Variants in SIPA1L1 observed in about 807,000 individuals in gnomAD.
SIPA1L1 encodes the protein signal-induced proliferation-associated 1-like protein 1.
SIPA1L1 carries 26 observed loss-of-function variants against 162.7 expected under a neutral mutation model. The ratio of observed to expected loss-of-function variants is 0.16; its 90% CI spans 0.12 to 0.22. SIPA1L1 has a LOEUF of 0.22. SIPA1L1 is among the 10% of genes least tolerant of loss of function. The pLI is 1.00. For missense variants in SIPA1L1, 1,874 were observed against 2,241.0 expected, an observed-to-expected ratio of 0.84 and a Z score of 3.31; for synonymous variants, 829 against 837.4, an observed-to-expected ratio of 0.99 and a Z score of 0.17.
At chr14:71,560,274 T>C (rs2056681309) in intron 4 of SIPA1L1, among the ~76,000 whole-genome samples, 1 of 152,152 alleles carries the variant, frequency 6.6e-6, no homozygotes, top group Non-Finnish European at 1.5e-5. Flanking sequence ...GGAAATTAAT[T>C]CTCCCACATA....
At chr14:71,648,158 C>T (rs184545734) in intron 7 of SIPA1L1, among the ~76,000 whole-genome samples, 5 of 152,174 alleles carry the variant, frequency 3.3e-5, no homozygotes, top group Non-Finnish European at 7.4e-5. Context: ...GGCCTGGTGG[C>T]GCATGCCTGT....
At chr14:71,340,803 G>A (rs558954320) in intron 2 of SIPA1L1, among the ~76,000 whole-genome samples, 1 of 152,282 alleles carries the variant, frequency 6.6e-6, no homozygotes, top group Admixed American at 6.5e-5. Context: ...GCCAGGCATG[G>A]TGGTGCATGC....
intron 4 of SIPA1L1, among the ~76,000 whole-genome samples, chr14:71,542,280 C>CTCT (rs1567175223): frequency 2.7e-5 from 4 of 148,740 alleles, no homozygotes; most frequent in Non-Finnish European, 6.0e-5. Context: ...CTTCCTCTTC[C>CTCT]TCTCCTCTTC....
Position 71,630,762 on chromosome 14 carries a change from A to G in SIPA1L1, c.1818+6526A>G, listed in dbSNP as rs2040486578. Among the ~76,000 whole-genome samples the G allele has an allele frequency of 2.0e-5, 3 of 152,040 alleles. No individual in the cohort carries two copies. The South Asian group carries it at 6.2e-4, about 32-fold the overall frequency. ...GTAGTTAATCACCTTATTAACTACA[A>G]GGTGTAGTATTTCTGTTTCATTATG... On this transcript the variant is annotated intron_variant, in intron 7 of 23. Coordinates refer to ENST00000381232, the MANE Select transcript of SIPA1L1 (RefSeq NM_001386936.1).
intron 2 of SIPA1L1, among the ~76,000 whole-genome samples, chr14:71,339,701 A>T (rs2035454205): frequency 6.6e-6 from 1 of 152,192 alleles, no homozygotes; most frequent in African/African-American, 2.4e-5. Context: ...GTCTTGGTTG[A>T]GAAGGAGCCA....
chr14:71,645,756 G>A (rs556723591), intron 7 of SIPA1L1, among the ~76,000 whole-genome samples: 27 of 152,230 alleles, frequency 1.8e-4, no homozygotes, highest in African/African-American at 4.1e-4. Context: ...GCATATGTCC[G>A]TGGAAAATAC....
intron 17 of SIPA1L1, among the ~76,000 whole-genome samples, chr14:71,716,854 G>T (rs2083307240): frequency 6.6e-6 from 1 of 152,250 alleles, no homozygotes; most frequent in Admixed American, 6.5e-5. Flanking sequence ...ATCAGGTCAA[G>T]ATGAGAAGTT....
At chr14:71,413,047 G>A (rs940822271) in intron 2 of SIPA1L1, among the ~76,000 whole-genome samples, 2 of 152,106 alleles carry the variant, frequency 1.3e-5, no homozygotes, top group African/African-American at 2.4e-5. Context: ...CAGTATTTTC[G>A]CTTTAGGCAG....
chr14:71,459,717 A>G (rs1334058529), intron 2 of SIPA1L1, among the ~76,000 whole-genome samples: 1 of 152,174 alleles, frequency 6.6e-6, no homozygotes, highest in Non-Finnish European at 1.5e-5. Flanking sequence ...GATTGTGCCC[A>G]CCAGATTAAG....
chr14:71,653,542 G>A (rs1214615570), intron 8 of SIPA1L1, among the ~76,000 whole-genome samples: 2 of 152,096 alleles, frequency 1.3e-5, no homozygotes, highest in East Asian at 3.8e-4. Context: ...ACCTTGCTCT[G>A]TGTCAACTGT....
At chr14:71,704,585 G>C in intron 15 of SIPA1L1, 1 of 647,496 alleles carries the variant, frequency 1.5e-6, no homozygotes, top group Non-Finnish European at 2.8e-6. Flanking sequence ...CTTGCTATTA[G>C]CTATAGTGGT....
intron 3 of SIPA1L1, among the ~76,000 whole-genome samples, chr14:71,518,017 C>T (rs1595872671): frequency 6.6e-6 from 1 of 152,130 alleles, no homozygotes. Context: ...GACACAGTGG[C>T]TCACACCTGT....
At chr14:71,696,563 A>G (rs2081645033) in intron 13 of SIPA1L1, among the ~76,000 whole-genome samples, 2 of 152,352 alleles carry the variant, frequency 1.3e-5, no homozygotes, top group African/African-American at 4.8e-5. Flanking sequence ...TAGCCCCACC[A>G]TAGTTGAGAA....
intron 5 of SIPA1L1, among the ~76,000 whole-genome samples, chr14:71,606,311 G>C (rs991979551): frequency 8.5e-5 from 13 of 152,164 alleles, no homozygotes; most frequent in East Asian, 1.9e-4. Flanking sequence ...ATCTTCCTCT[G>C]CTGGAGGAAG....
intron 2 of SIPA1L1, among the ~76,000 whole-genome samples, chr14:71,357,407 C>T (rs1335637377): frequency 2.6e-5 from 4 of 152,120 alleles, no homozygotes; most frequent in Non-Finnish European, 4.4e-5. Context: ...GTGGTAAGGC[C>T]GCCTGATTTC....
chr14:71,520,741 A>G (rs1435566300), intron 3 of SIPA1L1, among the ~76,000 whole-genome samples: 2 of 151,538 alleles, frequency 1.3e-5, no homozygotes, highest in South Asian at 4.2e-4. Flanking sequence ...CTCAATTATT[A>G]TTTTTCTTTC....
intron 2 of SIPA1L1, among the ~76,000 whole-genome samples, chr14:71,442,172 CAAAAAAAAAAAAAAA>C (rs368432068): frequency 5.0e-4 from 13 of 26,092 alleles, no homozygotes; most frequent in East Asian, 3.2e-3. Flanking sequence ...GACTCTGTCT[CAAAAAAAAAAAAAAA>C]AAAAAAAAAA....
chr14:71,337,494 C>A (rs987654218), intron 2 of SIPA1L1, among the ~76,000 whole-genome samples: 2 of 152,070 alleles, frequency 1.3e-5, no homozygotes, highest in East Asian at 3.9e-4. Context: ...AGCAAAGTTA[C>A]GTCTTACATG....
At chr14:71,523,832 T>A (rs2145010310) in intron 3 of SIPA1L1, among the ~76,000 whole-genome samples, 1 of 152,362 alleles carries the variant, frequency 6.6e-6, no homozygotes, top group South Asian at 2.1e-4. Flanking sequence ...TTGTTCCAGA[T>A]GTGGCCTCTT....
Sources: gnomAD v4.1 joint callset for allele counts (sites outside exome capture counted in the v4.1 genomes callset) on GRCh38, gnomAD v4.1.1 for gene constraint, MANE v1.5 for transcripts, NCBI Gene and HGNC (gene_info 2026-07-23, HGNC 2026-07-21) for gene names.